Variants in LEPR observed in about 807,000 individuals in gnomAD.
LEPR encodes the protein leptin receptor.
In LEPR, 56 loss-of-function variants were observed where a neutral mutation model predicts 114.7. The observed-to-expected ratio is 0.49, with a 90% CI of 0.39 to 0.61. LEPR has a LOEUF of 0.61. LEPR is among the 20% of genes least tolerant of loss of function. The probability of loss-of-function intolerance (pLI) is 0.00; values close to 1 mark genes in which losing one functional copy is unlikely to be tolerated. For synonymous variants in LEPR, 443 were observed against 461.4 expected (o/e 0.96, Z 0.51); for missense variants, 1,202 against 1,352.9 (o/e 0.89, Z 1.75).
chr1:65,456,957 A>G (rs1646884501), intron 2 of LEPR, among the ~76,000 whole-genome samples: 1 of 152,024 alleles, frequency 6.6e-6, no homozygotes, highest in Non-Finnish European at 1.5e-5. Context: ...TCTCTGTTAT[A>G]CTTTTTTCCA....
chr1:65,588,730 T>C (rs557627467), intron 5 of LEPR, among the ~76,000 whole-genome samples: 1 of 152,196 alleles, frequency 6.6e-6, no homozygotes, highest in Admixed American at 6.6e-5. Flanking sequence ...CATGATTATC[T>C]TGAGATTCAT....
At chr1:65,512,475 C>T (rs2100556226) in intron 2 of LEPR, among the ~76,000 whole-genome samples, 1 of 152,286 alleles carries the variant, frequency 6.6e-6, no homozygotes, top group Non-Finnish European at 1.5e-5. Flanking sequence ...AATTCCTGAG[C>T]CTAGCATAGT....
intron 2 of LEPR, among the ~76,000 whole-genome samples, chr1:65,429,250 G>A (rs1237140577): frequency 6.6e-6 from 1 of 152,148 alleles, no homozygotes; most frequent in Non-Finnish European, 1.5e-5. Flanking sequence ...AGATCATGGG[G>A]AAGGACATTG....
chr1:65,524,643 A>G (rs1485583035), intron 2 of LEPR, among the ~76,000 whole-genome samples: 2 of 152,176 alleles, frequency 1.3e-5, no homozygotes, highest in South Asian at 2.1e-4. Context: ...GCTTCTTCCT[A>G]TGAGGCCGTT....
intron 2 of LEPR, among the ~76,000 whole-genome samples, chr1:65,460,168 G>A (rs1557604087): frequency 6.6e-6 from 1 of 151,800 alleles, no homozygotes; most frequent in Non-Finnish European, 1.5e-5. Context: ...CAAGTAGTAA[G>A]TGCTCATAAA....
At chr1:65,632,079 G>A (rs1216707935) in intron 19 of LEPR, among the ~76,000 whole-genome samples, 1 of 152,114 alleles carries the variant, frequency 6.6e-6, no homozygotes, top group Non-Finnish European at 1.5e-5. Context: ...GAAACAAATA[G>A]ATTTTTCCTT....
intron 17 of LEPR, among the ~76,000 whole-genome samples, chr1:65,620,345 C>A (rs1657798721): frequency 6.6e-6 from 1 of 152,010 alleles, no homozygotes; most frequent in Admixed American, 6.6e-5. Flanking sequence ...AAGAGATAAA[C>A]ATTTCATTTG....
intron 2 of LEPR, among the ~76,000 whole-genome samples, chr1:65,461,628 G>A (rs934894683): frequency 2.6e-4 from 39 of 152,266 alleles, no homozygotes; most frequent in African/African-American, 8.9e-4. Context: ...CCATACAGAA[G>A]AATCCCAAAA....
intron 2 of LEPR, among the ~76,000 whole-genome samples, chr1:65,555,571 T>G (rs1652758704): frequency 6.6e-6 from 1 of 152,246 alleles, no homozygotes; most frequent in Admixed American, 6.5e-5. Context: ...CATATTAGTG[T>G]ACATTTTTCA....
At chr1:65,585,357 A>G (rs1331292230) in intron 5 of LEPR, among the ~76,000 whole-genome samples, 1 of 152,130 alleles carries the variant, frequency 6.6e-6, no homozygotes, top group Non-Finnish European at 1.5e-5. Context: ...GTAATAATTT[A>G]GCATAGAATT....
At position 65,556,652 on chromosome 1, in the gene LEPR, A is replaced by G. The variant is rs755537224; in HGVS notation, c.-20-8894A>G. Among the ~76,000 whole-genome samples, 32 of 152,168 alleles carry G rather than the reference A, an allele frequency of 2.1e-4. 1 individual carries two copies. Among genetic ancestry groups the G allele is most frequent in the Non-Finnish European group, 3.5e-4 (24 of 68,034 alleles). ...TTATGCCAGATTCTCAAACAGCTGT[A>G]TCTGGATGATAGGAGAATGCCTCTT... is the stretch of plus-strand genomic sequence containing the variant. On this transcript the variant is annotated intron_variant, in intron 2 of 19. Coordinates refer to ENST00000349533, the MANE Select transcript of LEPR (RefSeq NM_002303.6).
chr1:65,596,327 G>A, intron 6 of LEPR, 121 bp from the exon 7 acceptor site: 1 of 1,235,704 alleles, frequency 8.1e-7, no homozygotes, highest in African/African-American at 1.5e-5. Flanking sequence ...CTTGGATAAA[G>A]TCACCTTTTA....
intron 2 of LEPR, among the ~76,000 whole-genome samples, chr1:65,454,825 A>G (rs368508730): frequency 3.5e-4 from 53 of 152,202 alleles, no homozygotes; most frequent in South Asian, 1.9e-3. Context: ...TCTGAATGTT[A>G]GCCTGCCTTG....
At chr1:65,488,943 C>A (rs1647722484) in intron 2 of LEPR, among the ~76,000 whole-genome samples, 1 of 152,136 alleles carries the variant, frequency 6.6e-6, no homozygotes, top group Non-Finnish European at 1.5e-5. Context: ...TTGCAAATGA[C>A]AGGATTTTGT....
intron 2 of LEPR, among the ~76,000 whole-genome samples, chr1:65,504,561 A>G (rs1250008550): frequency 6.6e-6 from 1 of 152,194 alleles, no homozygotes; most frequent in African/African-American, 2.4e-5. Flanking sequence ...ATTGAGGGGC[A>G]TTGTACAAAA....
chr1:65,613,029 C>A (rs1260797028), intron 14 of LEPR, among the ~76,000 whole-genome samples: 2 of 152,124 alleles, frequency 1.3e-5, no homozygotes, highest in Admixed American at 1.3e-4. Context: ...GAGTCATGTT[C>A]CACCTACTTG....
At chr1:65,630,451 G>A (rs1194586037) in intron 19 of LEPR, 2 of 148,808 alleles carry the variant, frequency 1.3e-5, no homozygotes, top group South Asian at 4.2e-4. Flanking sequence ...CCTCATTTTT[G>A]TTGTTTTGAA....
intron 19 of LEPR, among the ~76,000 whole-genome samples, chr1:65,632,319 C>G (rs961235567): frequency 1.3e-5 from 2 of 152,082 alleles, no homozygotes; most frequent in African/African-American, 4.8e-5. Context: ...ATTACTGGGC[C>G]TAGAAGTGTG....
chr1:65,438,255 G>C, intron 2 of LEPR, among the ~76,000 whole-genome samples: 1 of 151,478 alleles, frequency 6.6e-6, no homozygotes, highest in East Asian at 1.9e-4. Flanking sequence ...TTATGGCCAC[G>C]ATAAAGAAGA....
Sources: allele counts gnomAD v4.1 joint callset (sites outside exome capture counted in the v4.1 genomes callset), GRCh38; gene constraint gnomAD v4.1.1; transcripts MANE v1.5; gene names NCBI Gene and HGNC (gene_info 2026-07-23, HGNC 2026-07-21).